The following ANKRD30BL variants were observed in gnomAD, a reference collection of about 807,000 sequenced individuals.
The protein encoded by ANKRD30BL is putative ankyrin repeat domain-containing protein 30B-like.
ANKRD30BL carries 20 observed loss-of-function variants against 18.4 expected under a neutral mutation model. The observed-to-expected ratio is 1.09, with a 90% CI of 0.77 to 1.58. The LOEUF (loss-of-function observed/expected upper bound fraction) is 1.58. ANKRD30BL is among the 40% of genes most tolerant of loss of function. The pLI is 0.00. For missense variants in ANKRD30BL, 224 were observed against 268.6 expected (o/e 0.83, Z 1.16); for synonymous variants, 72 against 100.9 (o/e 0.71, Z 1.72).
chr2:132,192,620 A>T (rs1573828770), intron 1 of ANKRD30BL, among the ~76,000 whole-genome samples: 1 of 152,234 alleles, frequency 6.6e-6, no homozygotes, highest in East Asian at 1.9e-4. Flanking sequence ...GCAAGATGAG[A>T]GCAAGTGGAT....
At position 132,148,153 on chromosome 2, in the gene ANKRD30BL, A is replaced by C. The variant is rs1423196595; in HGVS notation, c.755T>G (p.Val252Gly). The C allele has an allele frequency of 1.3e-6, 2 of 1,599,844 alleles. No homozygotes were observed. The highest frequency in any genetic ancestry group is 1.7e-6 in the Non-Finnish European group (2 of 1,173,658). Reference sequence around the variant, plus strand: ...ATCCTATTCATCAGGTGTTCTTTCCACCAAGCTTTCAGCCGTGTCAGGTGT... The same window carrying C: ...ATCCTATTCATCAGGTGTTCTTTCCCCCAAGCTTTCAGCCGTGTCAGGTGT... ...ERTPDTAESL[V>G]ERTPDE The change falls in exon 6 of 6, where the codon GTG (valine) becomes GGG (glycine). Residue 252 changes from valine to glycine, a missense_variant. Around this residue, in one of 3 missense-constraint regions of ANKRD30BL, gnomAD observed 63 missense variants for 62.3 expected, o/e 1.01. Coordinates refer to ENST00000409867, the MANE Select transcript of ANKRD30BL (RefSeq NM_001358416.1).
intron 1 of ANKRD30BL, among the ~76,000 whole-genome samples, chr2:132,254,851 T>C (rs1169477109): frequency 1.3e-5 from 2 of 152,124 alleles, no homozygotes; most frequent in Non-Finnish European, 2.9e-5. Context: ...GCCAGACAAA[T>C]CACTCCAGCA....
chr2:132,162,705 G>C (rs1688107247), upstream of ANKRD30BL, among the ~76,000 whole-genome samples: 1 of 152,272 alleles, frequency 6.6e-6, no homozygotes. Context: ...TGGGCCCGAC[G>C]GCCTGAGGGT....
chr2:132,194,157 G>A (rs1678917807), intron 1 of ANKRD30BL, among the ~76,000 whole-genome samples: 1 of 151,888 alleles, frequency 6.6e-6, no homozygotes, highest in South Asian at 2.1e-4. Flanking sequence ...TTCAAAGGCA[G>A]TTCTGAGACC....
At chr2:132,230,413 T>G (rs1266736680) in intron 1 of ANKRD30BL, among the ~76,000 whole-genome samples, 2 of 152,084 alleles carry the variant, frequency 1.3e-5, no homozygotes, top group Non-Finnish European at 2.9e-5. Context: ...ACACTCTTTT[T>G]GTATTATATG....
chr2:132,221,622 C>T (rs1285685910), intron 1 of ANKRD30BL, among the ~76,000 whole-genome samples: 21 of 127,304 alleles, frequency 1.6e-4, no homozygotes, highest in African/African-American at 2.6e-4. Flanking sequence ...CCCGGCCAGC[C>T]GCCCAGTCCG....
In ANKRD30BL at chr2:132,208,409, G is replaced by A. The variant is rs564883632; in HGVS notation, n.441+49120C>T. On this transcript the variant is annotated intron_variant and non_coding_transcript_variant, in intron 1 of 4. Transcript: ENST00000470729. ...AAACCCACATTTTTGTCATTTGCTCGATGTGTCTTTCCTGAAGTCTATGGT... is the reference window on the plus strand; with the variant it reads ...AAACCCACATTTTTGTCATTTGCTCAATGTGTCTTTCCTGAAGTCTATGGT... Among the ~76,000 whole-genome samples the A allele has an allele frequency of 3.2e-3, 487 of 152,048 alleles. 5 individuals carry two copies. The highest frequency in any genetic ancestry group is 0.011 in the African/African-American group (446 of 41,464).
At chr2:132,198,626 T>TC (rs1226760380) in intron 1 of ANKRD30BL, among the ~76,000 whole-genome samples, 2 of 151,266 alleles carry the variant, frequency 1.3e-5, no homozygotes, top group Non-Finnish European at 3.0e-5. Context: ...CCCAGCCTTT[T>TC]TTTTTTTTTT....
At chr2:132,156,693 A>G (rs1296350586) in intron 3 of ANKRD30BL, 3 of 172,044 alleles carry the variant, frequency 1.7e-5, no homozygotes, top group Admixed American at 6.3e-5. Flanking sequence ...GTTTTACACT[A>G]ACTGGAAAGA....
At chr2:132,176,179 A>T (rs185692074) in intron 1 of ANKRD30BL, among the ~76,000 whole-genome samples, 95 of 152,224 alleles carry the variant, frequency 6.2e-4, no homozygotes, top group African/African-American at 2.3e-3. Flanking sequence ...AGATCACTTG[A>T]GGTCAGGAGT....
At chr2:132,229,658 T>A (rs373252632) in intron 1 of ANKRD30BL, among the ~76,000 whole-genome samples, 5 of 152,044 alleles carry the variant, frequency 3.3e-5, no homozygotes, top group African/African-American at 1.2e-4. Context: ...CTCAGAAACT[T>A]CTTAGTGATG....
intron 1 of ANKRD30BL, among the ~76,000 whole-genome samples, chr2:132,240,872 T>C (rs10201213): frequency 6.6e-6 from 1 of 151,976 alleles, no homozygotes; most frequent in Admixed American, 6.6e-5. Context: ...CAGAAACTTC[T>C]TTATGATGTG....
At chr2:132,151,569 A>G (rs1279198606) in intron 4 of ANKRD30BL, among the ~76,000 whole-genome samples, 8 of 151,852 alleles carry the variant, frequency 5.3e-5, no homozygotes, top group Non-Finnish European at 1.2e-4. Context: ...GTTCAAGACC[A>G]GCCTGGGCAA....
At chr2:132,206,461 G>C (rs1679214936) in intron 1 of ANKRD30BL, among the ~76,000 whole-genome samples, 1 of 152,086 alleles carries the variant, frequency 6.6e-6, no homozygotes, top group African/African-American at 2.4e-5. Flanking sequence ...CCACTTTCTG[G>C]TTATATGAGT....
chr2:132,250,746 C>T (rs1573896081), intron 1 of ANKRD30BL, among the ~76,000 whole-genome samples: 1 of 152,140 alleles, frequency 6.6e-6, no homozygotes, highest in Admixed American at 6.5e-5. Context: ...TACTGAACTA[C>T]TTATGTTTCT....
chr2:132,220,563 G>A (rs545063958), intron 1 of ANKRD30BL, among the ~76,000 whole-genome samples: 5 of 152,044 alleles, frequency 3.3e-5, no homozygotes, highest in East Asian at 1.9e-4. Flanking sequence ...ACGGGGTTTC[G>A]CTGTGTTGGC....
At chr2:132,201,808 C>G (rs1239833483) in intron 1 of ANKRD30BL, among the ~76,000 whole-genome samples, 3 of 152,106 alleles carry the variant, frequency 2.0e-5, no homozygotes, top group African/African-American at 7.2e-5. Flanking sequence ...ACCCAAAGGA[C>G]TATAAATCAT....
In ANKRD30BL at chr2:132,175,259, G is replaced by C. The variant is rs529630821; in HGVS notation, n.442-18113C>G. ...AGTAGGAGAGCAGGGTGATAATAGG[G>C]AGAAGGTCAGCAAAAAAACATGTGA... On this transcript the variant is annotated intron_variant and non_coding_transcript_variant, in intron 1 of 4. Coordinates refer to the ANKRD30BL transcript ENST00000470729. Among the ~76,000 whole-genome samples, 21 of 151,842 alleles carry C rather than the reference G, an allele frequency of 1.4e-4. 1 individual carries two copies. The highest frequency in any genetic ancestry group is 1.1e-3 in the Admixed American group (17 of 15,260).
Position 132,223,177 on chromosome 2 carries a change from G to A in ANKRD30BL, n.441+34352C>T, listed in dbSNP as rs546541343. ...GCGATGTGTACATTCAACTCACAGA[G>A]TTGAACCTTTCTTTTGATAGAGCAG... On this transcript the variant is annotated intron_variant and non_coding_transcript_variant, in intron 1 of 4. Coordinates refer to the ANKRD30BL transcript ENST00000470729. Among the ~76,000 whole-genome samples the A allele has an allele frequency of 8.3e-3, 1,261 of 152,212 alleles. 13 individuals are homozygous for A. The highest frequency in any genetic ancestry group is 0.028 in the African/African-American group (1,176 of 41,542).
Sources: gnomAD v4.1 joint callset for allele counts (sites outside exome capture counted in the v4.1 genomes callset) on GRCh38, gnomAD v4.1.1 for gene constraint, gnomAD v4.1.1 regional missense constraint, MANE v1.5 for transcripts, NCBI Gene and HGNC (gene_info 2026-07-23, HGNC 2026-07-21) for gene names.